Variants in PRR5 observed in about 807,000 individuals in gnomAD.
PRR5 encodes proline-rich protein 5.
In PRR5, 25 loss-of-function variants were observed where a neutral mutation model predicts 30.6. That is an observed-to-expected ratio of 0.82 (90% CI 0.60 to 1.14). The LOEUF is 1.14. Among genes scored for constraint, PRR5 ranks in the 50% most tolerant of loss-of-function variants. The probability of loss-of-function intolerance (pLI) is 0.00; values close to 1 mark genes in which losing one functional copy is unlikely to be tolerated. For missense variants in PRR5, 600 were observed against 547.1 expected (o/e 1.10, Z -0.96); for synonymous variants, 286 against 247.1 (o/e 1.16, Z -1.48).
chr22:44,730,720 AC>A (rs1921796484), intron 4 of PRR5: 1 of 959,518 alleles, frequency 1.0e-6, no homozygotes, highest in Non-Finnish European at 1.3e-6. Flanking sequence ...GACCCTCTGC[AC>A]CCTCTTCTTC....
intron 3 of PRR5, 58 bp downstream of exon 3, chr22:44,725,350 C>T: frequency 6.2e-7 from 1 of 1,606,190 alleles, no homozygotes; most frequent in Non-Finnish European, 8.5e-7. Flanking sequence ...CCAGAAAGCA[C>T]AGGGGCTCAC....
chr22:44,692,810 C>T lies in PRR5; in HGVS notation c.-10-9682C>T, dbSNP rs566442946. ...CAGGTCTGCAGAGCGGGGATGTTCC[C>T]CGGGCCTGCCTGGCAGGGCGGCTGC... is the stretch of plus-strand genomic sequence containing the variant. On this transcript the variant is annotated intron_variant, in intron 1 of 8. Coordinates refer to the PRR5 transcript ENST00000006251. 2.1e-3 allele frequency among the ~76,000 whole-genome samples: 325 copies of T among 152,328 alleles called. 1 individual carries two copies. Among genetic ancestry groups the T allele is most frequent in the African/African-American group, 7.4e-3 (306 of 41,580 alleles).
At chr22:44,723,451 G>A (rs1930238354) in intron 2 of PRR5, among the ~76,000 whole-genome samples, 1 of 152,170 alleles carries the variant, frequency 6.6e-6, no homozygotes, top group South Asian at 2.1e-4. Context: ...CAGGTGCAGT[G>A]GCTCACGCCT....
chr22:44,720,763 G>T (rs1039630076), intron 2 of PRR5, among the ~76,000 whole-genome samples: 1 of 152,300 alleles, frequency 6.6e-6, no homozygotes, highest in East Asian at 1.9e-4. Flanking sequence ...CCGTGCAAAT[G>T]GGGGGATGCT....
At chr22:44,704,501 G>A (rs1478437368) in intron 1 of PRR5, among the ~76,000 whole-genome samples, 1 of 152,080 alleles carries the variant, frequency 6.6e-6, no homozygotes, top group Non-Finnish European at 1.5e-5. Flanking sequence ...TCACTCAGCA[G>A]CCTGGCAGAT....
chr22:44,700,679 G>T (rs1335251805), upstream of PRR5, among the ~76,000 whole-genome samples: 1 of 152,126 alleles, frequency 6.6e-6, no homozygotes, highest in African/African-American at 2.4e-5. Context: ...AGCACCTGTT[G>T]CTGCCTGTGG....
chr22:44,699,844 G>A (rs1926094736), upstream of PRR5, among the ~76,000 whole-genome samples: 1 of 152,224 alleles, frequency 6.6e-6, no homozygotes, highest in Admixed American at 6.5e-5. Flanking sequence ...GAGGAGTCAA[G>A]GATCTGGGCT....
chr22:44,702,910 G>C (rs1474991720), intron 1 of PRR5, among the ~76,000 whole-genome samples: 1 of 152,238 alleles, frequency 6.6e-6, no homozygotes, highest in Admixed American at 6.5e-5. Context: ...TCCTACCCGG[G>C]GTCTTTCCAC....
chr22:44,713,150 C>T (rs1276515228), intron 1 of PRR5, among the ~76,000 whole-genome samples: 1 of 152,186 alleles, frequency 6.6e-6, no homozygotes, highest in Non-Finnish European at 1.5e-5. Context: ...ATGCTGCCTG[C>T]AGGACCTCAG....
At position 44,727,787 on chromosome 22, in the gene PRR5, T is replaced by C. The variant is rs1030831330; in HGVS notation, c.322+1153T>C. 2.0e-5 allele frequency among the ~76,000 whole-genome samples: 3 copies of C among 152,160 alleles called. No homozygotes were observed. In the East Asian group the frequency reaches 5.8e-4, roughly 29 times the overall value. ...CAGGGGACCTTGGAGCTGCGTGTCA[T>C]GGTCCTTCCTCACGTCCACTGAACA... On this transcript the variant is annotated intron_variant, in intron 4 of 7. Coordinates refer to ENST00000336985, the MANE Select transcript of PRR5 (RefSeq NM_181333.4).
chr22:44,700,596 C>T (rs1178065267), upstream of PRR5, among the ~76,000 whole-genome samples: 1 of 152,090 alleles, frequency 6.6e-6, no homozygotes, highest in Non-Finnish European at 1.5e-5. Context: ...CTGCATTCAA[C>T]CTGGGCCAAA....
rs1028720970 is a variant in PRR5 at position 44,737,626 on chromosome 22, C to G, written c.*379C>G. The G allele has an allele frequency of 4.6e-6, 1 of 215,650 alleles. No homozygotes were observed. Among genetic ancestry groups the G allele is most frequent in the Admixed American group, 5.1e-5 (1 of 19,466 alleles). 13.4% of individuals were successfully genotyped at this position (215,650 alleles called of 1,614,324 possible). A position where few individuals can be genotyped will look rare whatever the true frequency, so the allele number is the denominator to read the frequency against. On this transcript the variant is annotated 3_prime_UTR_variant, in exon 8 of 8. Transcript: ENST00000336985. ...CCAGACTCCAGCACACCTGTCTCCT[C>G]CTGCCTGGGGTGGCCATGGGGATGG... is the stretch of plus-strand genomic sequence containing the variant.
At chr22:44,729,539 T>G in intron 4 of PRR5, 17 of 985,528 alleles carry the variant, frequency 1.7e-5, no homozygotes, top group Non-Finnish European at 1.9e-5. Context: ...TCATCTCAGC[T>G]TTCGACCTGC....
At chr22:44,731,690 C>T (rs368756594) in intron 4 of PRR5, 40 bp from the exon 5 acceptor site, 139 of 1,602,710 alleles carry the variant, frequency 8.7e-5, no homozygotes, top group Middle Eastern at 3.3e-4. Context: ...CATCTGCCCG[C>T]GCCAGTCAGG....
chr22:44,687,515 C>CTTG (rs1924857042), intron 1 of PRR5, among the ~76,000 whole-genome samples: 1 of 152,174 alleles, frequency 6.6e-6, no homozygotes, highest in African/African-American at 2.4e-5. Flanking sequence ...TTTTTCCTAC[C>CTTG]TCAAGCTCAG....
Position 44,686,960 on chromosome 22 carries a change from AT to A in PRR5, c.-11+9723del, listed in dbSNP as rs1178022237. ...TTACATCTTTAATTATGTGAGGCAA[AT>A]TTAATTTTACAGTCTCCTCCAATGG... On this transcript the variant is annotated intron_variant, in intron 1 of 8. Transcript: ENST00000006251. Among the ~76,000 whole-genome samples the A allele has an allele frequency of 2.6e-5, 4 of 152,212 alleles. No homozygotes were observed. The East Asian group carries it at 7.7e-4, about 29-fold the overall frequency.
intron 1 of PRR5, among the ~76,000 whole-genome samples, chr22:44,695,926 T>TC (rs1158270267): frequency 7.4e-6 from 1 of 135,058 alleles, no homozygotes; most frequent in African/African-American, 2.8e-5. Context: ...CTGACAACTT[T>TC]TTTTTTTTTT....
chr22:44,700,471 A>C (rs1432690837), upstream of PRR5, among the ~76,000 whole-genome samples: 2 of 152,168 alleles, frequency 1.3e-5, no homozygotes, highest in African/African-American at 2.4e-5. Flanking sequence ...CACACACGCA[A>C]AAAATCAGCC....
rs150774541 is a variant in PRR5, at chr22:44,725,044, C to T, written c.216-200C>T. ...GGATCTAGTTGATGAGCTGCCACTG[C>T]GGACCATGGAGGCCCCGGTTGTGTG... On this transcript the variant is annotated intron_variant, in intron 2 of 7. Coordinates refer to ENST00000336985, the MANE Select transcript of PRR5 (RefSeq NM_181333.4). Among the ~76,000 whole-genome samples, 923 of 152,282 alleles carry T rather than the reference C, an allele frequency of 6.1e-3. 6 individuals are homozygous for T. The highest frequency in any genetic ancestry group is 0.011 in the Non-Finnish European group (750 of 68,010).
Sources: gnomAD v4.1 joint callset for allele counts (sites outside exome capture counted in the v4.1 genomes callset) on GRCh38, gnomAD v4.1.1 for gene constraint, MANE v1.5 for transcripts, NCBI Gene and HGNC (gene_info 2026-07-23, HGNC 2026-07-21) for gene names.